LRRTM4: variants seen among roughly 807,000 people sequenced by gnomAD.
LRRTM4 encodes the protein leucine rich repeat transmembrane neuronal 4.
Under a neutral mutation model 47.6 loss-of-function variants are expected in LRRTM4, and 25 were observed. The observed-to-expected ratio is 0.53, with a 90% confidence interval of 0.38 to 0.73. LRRTM4 has a LOEUF of 0.73. Ranked by LOEUF, LRRTM4 falls within the 30% of genes least tolerant of loss-of-function variation. The pLI, the probability that LRRTM4 is intolerant of heterozygous loss-of-function variation, is 0.00. For synonymous variants in LRRTM4, 311 were observed against 269.5 expected (o/e 1.15, Z -1.51); for missense variants, 638 against 713.4 (o/e 0.89, Z 1.20).
At chr2:76,800,182 A>C (rs1277885683) in intron 3 of LRRTM4, among the ~76,000 whole-genome samples, 3 of 148,002 alleles carry the variant, frequency 2.0e-5, no homozygotes, top group African/African-American at 7.7e-5. Flanking sequence ...TGGAGGCATC[A>C]CACTCCCTGA....
intron 3 of LRRTM4, among the ~76,000 whole-genome samples, chr2:77,320,626 G>T: frequency 6.6e-6 from 1 of 152,034 alleles, no homozygotes; most frequent in Non-Finnish European, 1.5e-5. Flanking sequence ...CAAAGAAAGA[G>T]ACCAAATAAA....
intron 3 of LRRTM4, among the ~76,000 whole-genome samples, chr2:77,282,603 G>C (rs1023258039): frequency 6.6e-6 from 1 of 151,654 alleles, no homozygotes; most frequent in Non-Finnish European, 1.5e-5. Flanking sequence ...ATACTATAAG[G>C]CTACAGTAAA....
intron 3 of LRRTM4, among the ~76,000 whole-genome samples, chr2:76,749,611 T>G (rs1354184436): frequency 6.6e-6 from 1 of 152,156 alleles, no homozygotes; most frequent in Non-Finnish European, 1.5e-5. Context: ...TTATTGGTTT[T>G]CAAGGTAACA....
intron 3 of LRRTM4, among the ~76,000 whole-genome samples, chr2:76,817,833 TCTTG>T (rs150117975): frequency 0.025 from 3,765 of 152,132 alleles, 57 homozygotes; most frequent in Admixed American, 0.035. Context: ...AGTAATGTCT[TCTTG>T]CTTAAGATAT....
intron 3 of LRRTM4, among the ~76,000 whole-genome samples, chr2:77,320,782 A>G (rs1000872140): frequency 1.3e-5 from 2 of 152,078 alleles, no homozygotes; most frequent in Non-Finnish European, 2.9e-5. Flanking sequence ...AAAATGTATT[A>G]CCAAACTGGC....
chr2:76,799,165 C>G (rs200110722), intron 3 of LRRTM4, among the ~76,000 whole-genome samples: 26,381 of 119,526 alleles, frequency 0.22, 3,903 homozygotes, highest in East Asian at 0.49. Context: ...GAAATTTAGA[C>G]CAATATCCTT....
At chr2:76,820,028 AC>A (rs1466674170) in intron 3 of LRRTM4, among the ~76,000 whole-genome samples, 2 of 151,816 alleles carry the variant, frequency 1.3e-5, no homozygotes, top group African/African-American at 4.8e-5. Context: ...ACAGATATCC[AC>A]CCCCAGTTCT....
At chr2:77,163,698 C>T (rs898062535) in intron 3 of LRRTM4, among the ~76,000 whole-genome samples, 5 of 152,122 alleles carry the variant, frequency 3.3e-5, no homozygotes, top group African/African-American at 9.7e-5. Context: ...AATTTCATAT[C>T]GAGCCAAACT....
In LRRTM4 at chr2:77,091,886, C is replaced by T. The variant is rs560084842; in HGVS notation, c.1552-342970G>A. 5.1e-3 allele frequency among the ~76,000 whole-genome samples: 722 copies of T among 140,750 alleles called. 13 individuals are homozygous for T. The highest frequency in any genetic ancestry group is 0.019 in the African/African-American group (638 of 33,868). 92.3% of individuals were successfully genotyped at this position (140,750 alleles called of 152,430 possible). A position where few individuals can be genotyped will look rare whatever the true frequency, so the allele number is the denominator to read the frequency against. On this transcript the variant is annotated intron_variant, in intron 3 of 3. Coordinates refer to ENST00000409884, the MANE Select transcript of LRRTM4 (RefSeq NM_001134745.3). ...ATCTCTCAAACCCAAGCACCTTCTA[C>T]AAAACAACAACTCCTTTCCTTCCTG...
chr2:76,836,437 G>A (rs1368100528), intron 3 of LRRTM4, among the ~76,000 whole-genome samples: 8 of 151,424 alleles, frequency 5.3e-5, no homozygotes, highest in East Asian at 1.9e-4. Context: ...TTTCCACTCC[G>A]GGCATTTTTT....
intron 3 of LRRTM4, among the ~76,000 whole-genome samples, chr2:77,258,215 G>C (rs55800479): frequency 0.12 from 18,731 of 151,902 alleles, 3,875 homozygotes; most frequent in African/African-American, 0.42. Flanking sequence ...GTGAGGATGT[G>C]AAGAAAATGT....
rs139914743 is a variant in LRRTM4, at chr2:77,104,729, G to A, written c.1552-355813C>T. On this transcript the variant is annotated intron_variant, in intron 3 of 3. Transcript: ENST00000409884. ...TGGTGGCGCCAATTTGAGGACACCC[G>A]CTGAAATCGAGCAGGGTTTATTCAG... 3.4e-3 allele frequency among the ~76,000 whole-genome samples: 519 copies of A among 152,262 alleles called. 3 individuals carry two copies. Among genetic ancestry groups the A allele is most frequent in the Non-Finnish European group, 4.8e-3 (327 of 68,002 alleles).
intron 3 of LRRTM4, among the ~76,000 whole-genome samples, chr2:76,897,153 G>T (rs1673443757): frequency 6.6e-6 from 1 of 152,110 alleles, no homozygotes; most frequent in African/African-American, 2.4e-5. Context: ...AACTTGTGAT[G>T]ACAAGGCAAG....
At chr2:77,406,844 C>G (rs1031545930) in intron 3 of LRRTM4, among the ~76,000 whole-genome samples, 2 of 151,998 alleles carry the variant, frequency 1.3e-5, no homozygotes, top group Non-Finnish European at 2.9e-5. Flanking sequence ...TACTGGAATA[C>G]AGTAATCTTG....
chr2:76,849,055 T>C (rs1003989273), intron 3 of LRRTM4, among the ~76,000 whole-genome samples: 2 of 152,102 alleles, frequency 1.3e-5, no homozygotes, highest in Admixed American at 1.3e-4. Context: ...CTATCTTTCC[T>C]TCAGGTACTC....
At chr2:77,356,236 T>G (rs1483021608) in intron 3 of LRRTM4, among the ~76,000 whole-genome samples, 2 of 152,226 alleles carry the variant, frequency 1.3e-5, no homozygotes, top group Non-Finnish European at 2.9e-5. Flanking sequence ...GAATACTTAT[T>G]AGACACTATC....
intron 3 of LRRTM4, among the ~76,000 whole-genome samples, chr2:76,933,729 T>C (rs545723808): frequency 1.1e-3 from 170 of 152,218 alleles, no homozygotes; most frequent in Non-Finnish European, 1.7e-3. Flanking sequence ...CTGAGACTGA[T>C]GATTTAAATA....
chr2:77,067,237 A>G (rs1295189491), intron 3 of LRRTM4, among the ~76,000 whole-genome samples: 1 of 152,200 alleles, frequency 6.6e-6, no homozygotes, highest in African/African-American at 2.4e-5. Flanking sequence ...AAGAATGGAC[A>G]ACATGTAAAG....
chr2:77,223,259 A>G (rs1041573294), intron 3 of LRRTM4, among the ~76,000 whole-genome samples: 15 of 152,202 alleles, frequency 9.9e-5, no homozygotes, highest in Non-Finnish European at 2.2e-4. Flanking sequence ...ATCATACTGA[A>G]TGCACAAAAA....
Sources: allele counts gnomAD v4.1 joint callset (sites outside exome capture counted in the v4.1 genomes callset), GRCh38; gene constraint gnomAD v4.1.1; transcripts MANE v1.5; gene names NCBI Gene and HGNC (gene_info 2026-07-23, HGNC 2026-07-21).